Variants in CACNB4 observed in about 807,000 individuals in gnomAD.
CACNB4 encodes voltage-dependent L-type calcium channel subunit beta-4.
In CACNB4, 32 loss-of-function variants were observed where a neutral mutation model predicts 71.2. The observed-to-expected ratio is 0.45, with a 90% confidence interval of 0.34 to 0.60. The LOEUF is 0.60. Among genes scored for constraint, CACNB4 ranks in the 20% least tolerant of loss-of-function variants. The probability of loss-of-function intolerance (pLI) is 0.01; values close to 1 mark genes in which losing one functional copy is unlikely to be tolerated. For missense variants in CACNB4, 464 were observed against 647.9 expected (o/e 0.72, Z 3.08); for synonymous variants, 231 against 236.9 (o/e 0.97, Z 0.23).
intron 5 of CACNB4, among the ~76,000 whole-genome samples, chr2:151,876,005 G>A (rs1262193860): frequency 6.8e-6 from 1 of 146,428 alleles, no homozygotes. Flanking sequence ...GGACGGGGCG[G>A]CTGGCCGGGC....
At chr2:152,019,772 G>T (rs1683552936) in intron 2 of CACNB4, among the ~76,000 whole-genome samples, 1 of 152,192 alleles carries the variant, frequency 6.6e-6, no homozygotes. Flanking sequence ...TTATACAAAG[G>T]CTCAGGGACA....
At chr2:151,987,886 G>A (rs1238360690) in intron 2 of CACNB4, among the ~76,000 whole-genome samples, 6 of 151,982 alleles carry the variant, frequency 3.9e-5, no homozygotes, top group Non-Finnish European at 8.8e-5. Flanking sequence ...TCATTTTCTG[G>A]TGTTCATTCT....
chr2:152,013,423 A>G (rs1683169886), intron 2 of CACNB4, among the ~76,000 whole-genome samples: 1 of 152,156 alleles, frequency 6.6e-6, no homozygotes. Context: ...AATGTCATCA[A>G]GCAGCAGGTA....
chr2:152,075,292 T>C (rs762961498), intron 2 of CACNB4, among the ~76,000 whole-genome samples: 3 of 152,236 alleles, frequency 2.0e-5, no homozygotes, highest in African/African-American at 4.8e-5. Flanking sequence ...GCTCTGCTGG[T>C]GTTGCTTCTG....
chr2:151,920,300 TTTCTTC>T (rs202063164), intron 2 of CACNB4, among the ~76,000 whole-genome samples: 7,021 of 131,718 alleles, frequency 0.053, 850 homozygotes, highest in East Asian at 0.44. Context: ...TCTAGAGTCT[TTTCTTC>T]TTCTTCTTCT....
At chr2:152,007,829 T>C (rs1470135440) in intron 2 of CACNB4, among the ~76,000 whole-genome samples, 1 of 151,952 alleles carries the variant, frequency 6.6e-6, no homozygotes, top group Non-Finnish European at 1.5e-5. Flanking sequence ...TGGAGTGCAG[T>C]GGCACCATCT....
intron 12 of CACNB4, chr2:151,851,923 T>C (rs2099839157): frequency 6.6e-6 from 1 of 152,204 alleles, no homozygotes; most frequent in Non-Finnish European, 1.5e-5. Flanking sequence ...AATACATTCC[T>C]CTGTCTGTTC....
chr2:151,873,377 G>A (rs973142488), intron 5 of CACNB4: 29 of 152,098 alleles, frequency 1.9e-4, no homozygotes, highest in African/African-American at 6.5e-4. Context: ...GTCTGAAATC[G>A]AAAATGCTCT....
chr2:151,943,098 T>G (rs1164074604), intron 2 of CACNB4, among the ~76,000 whole-genome samples: 1 of 150,628 alleles, frequency 6.6e-6, no homozygotes, highest in East Asian at 2.3e-4. Flanking sequence ...CCTCCCCTTT[T>G]GAAACCCTTA....
intron 2 of CACNB4, among the ~76,000 whole-genome samples, chr2:151,950,309 T>C (rs1173266727): frequency 6.6e-6 from 1 of 152,196 alleles, no homozygotes; most frequent in Non-Finnish European, 1.5e-5. Flanking sequence ...AGAGTTTCTA[T>C]AGAGACAGTC....
chr2:152,069,906 G>T (rs556033080), intron 2 of CACNB4, among the ~76,000 whole-genome samples: 2 of 140,050 alleles, frequency 1.4e-5, no homozygotes, highest in East Asian at 4.3e-4. Context: ...GCAGTGGCAC[G>T]ATCTCGGCTC....
intron 2 of CACNB4, among the ~76,000 whole-genome samples, chr2:152,078,296 TGGGA>T (rs1687152629): frequency 6.6e-6 from 1 of 152,136 alleles, no homozygotes; most frequent in Non-Finnish European, 1.5e-5. Flanking sequence ...AGGAGGAAAC[TGGGA>T]GGGCGGTCCA....
At chr2:151,938,782 T>C (rs1265322043) in intron 2 of CACNB4, among the ~76,000 whole-genome samples, 1 of 152,118 alleles carries the variant, frequency 6.6e-6, no homozygotes, top group African/African-American at 2.4e-5. Flanking sequence ...TTTTGGAGCA[T>C]GGGGGGAAGG....
intron 2 of CACNB4, among the ~76,000 whole-genome samples, chr2:151,903,970 T>C (rs1018413750): frequency 6.6e-6 from 1 of 152,100 alleles, no homozygotes; most frequent in African/African-American, 2.4e-5. Context: ...ATAATAAGTA[T>C]GTATAGGAAA....
chr2:152,015,210 G>A (rs766082461), intron 2 of CACNB4, among the ~76,000 whole-genome samples: 21 of 152,038 alleles, frequency 1.4e-4, no homozygotes, highest in African/African-American at 1.9e-4. Flanking sequence ...TCGGCTCACC[G>A]CAACCTCCGC....
chr2:152,039,583 A>G (rs1235228764), intron 2 of CACNB4, among the ~76,000 whole-genome samples: 3 of 152,142 alleles, frequency 2.0e-5, no homozygotes, highest in East Asian at 1.9e-4. Flanking sequence ...TACATTTCCA[A>G]CTACATTATT....
chr2:152,021,868 T>A (rs1011579262), intron 2 of CACNB4, among the ~76,000 whole-genome samples: 1 of 152,256 alleles, frequency 6.6e-6, no homozygotes, highest in East Asian at 1.9e-4. Flanking sequence ...TATTCTTTTA[T>A]CTTGCTGAAC....
chr2:151,948,490 G>A (rs1053709105), intron 2 of CACNB4, among the ~76,000 whole-genome samples: 7 of 151,838 alleles, frequency 4.6e-5, no homozygotes, highest in African/African-American at 1.7e-4. Context: ...GGAGACTCCT[G>A]TCTCTATAAA....
chr2:151,853,428 C>CA lies in CACNB4; in HGVS notation c.1116+19dup, dbSNP rs765414097. 6.7e-7 allele frequency: 1 copy of CA among 1,493,398 alleles called. No individual in the cohort carries two copies. Among genetic ancestry groups the CA allele is most frequent in the Admixed American group, 2.0e-5 (1 of 50,542 alleles). The allele number at this position is 1,493,398 out of a possible 1,614,324, so 92.5% of individuals were successfully genotyped here. On this transcript the variant is annotated intron_variant, in intron 12 of 13. Transcript: ENST00000539935. ...TCTAACTAGTCAAGAATGATGAAGA[C>CA]AAAAAATGATCATACTTACTGGGGG... is the stretch of plus-strand genomic sequence containing the variant.
Sources: gnomAD v4.1 joint callset for allele counts (sites outside exome capture counted in the v4.1 genomes callset) on GRCh38, gnomAD v4.1.1 for gene constraint, MANE v1.5 for transcripts, NCBI Gene and HGNC (gene_info 2026-07-23, HGNC 2026-07-21) for gene names.